The following ZNF385D variants were observed in gnomAD, a reference collection of about 807,000 sequenced individuals.
ZNF385D encodes the protein zinc finger protein 385D.
A neutral mutation model predicts 35.8 loss-of-function variants in ZNF385D; 15 were observed. The ratio of observed to expected loss-of-function variants is 0.42; its 90% CI spans 0.28 to 0.64. The LOEUF is 0.64. Among genes scored for constraint, ZNF385D ranks in the 30% least tolerant of loss-of-function variants. The probability of loss-of-function intolerance (pLI) is 0.23; values close to 1 mark genes in which losing one functional copy is unlikely to be tolerated. For missense variants in ZNF385D, 474 were observed against 494.6 expected (o/e 0.96, Z 0.39); for synonymous variants, 212 against 186.8 (o/e 1.13, Z -1.10).
intron 3 of ZNF385D, among the ~76,000 whole-genome samples, chr3:21,881,330 G>A (rs868754344): frequency 6.6e-5 from 10 of 152,076 alleles, no homozygotes; most frequent in African/African-American, 1.7e-4. Context: ...TGAAGCCAGT[G>A]CTCATTGACC....
rs555293265 is a variant in ZNF385D, at chr3:22,147,539, C to T, written c.325+21278G>A. ...GGTGTCAATACAGAGGAAAACCCAC[C>T]TGAGAAAAGGGGATTTGGAAATGAA... On this transcript the variant is annotated intron_variant, in intron 3 of 5. Coordinates refer to the ZNF385D transcript ENST00000494108. Among the ~76,000 whole-genome samples the T allele has an allele frequency of 2.0e-5, 3 of 152,152 alleles. No individual in the cohort carries two copies. The East Asian group carries it at 5.8e-4, about 29-fold the overall frequency.
chr3:21,472,767 T>C (rs769683188), intron 4 of ZNF385D, among the ~76,000 whole-genome samples: 29 of 152,124 alleles, frequency 1.9e-4, no homozygotes, highest in African/African-American at 6.0e-4. Context: ...CCTGTCTAAA[T>C]AAGGCAAATG....
chr3:21,982,694 T>G (rs1172809274), intron 3 of ZNF385D, among the ~76,000 whole-genome samples: 2 of 152,160 alleles, frequency 1.3e-5, no homozygotes, highest in African/African-American at 2.4e-5. Flanking sequence ...AGCTTTTGCC[T>G]ATTCAGTATA....
chr3:22,210,610 T>C (rs1169666817), intron 2 of ZNF385D, among the ~76,000 whole-genome samples: 1 of 151,898 alleles, frequency 6.6e-6, no homozygotes, highest in African/African-American at 2.4e-5. Context: ...TAGATAAATA[T>C]AAAATCAATA....
chr3:22,319,394 C>A (rs972243245), intron 2 of ZNF385D, among the ~76,000 whole-genome samples: 4 of 151,386 alleles, frequency 2.6e-5, no homozygotes, highest in African/African-American at 9.7e-5. Context: ...AAATTATATG[C>A]AATATTGAAA....
At chr3:21,694,655 T>C (rs1368616291) in intron 1 of ZNF385D, among the ~76,000 whole-genome samples, 4 of 152,182 alleles carry the variant, frequency 2.6e-5, no homozygotes, top group African/African-American at 9.7e-5. Flanking sequence ...GCAACTTGAG[T>C]GCTCATTTGT....
intron 2 of ZNF385D, among the ~76,000 whole-genome samples, chr3:22,178,804 G>A (rs1233805076): frequency 6.6e-6 from 1 of 152,154 alleles, no homozygotes; most frequent in East Asian, 1.9e-4. Flanking sequence ...TCTACATATG[G>A]CTAGCCAGTT....
intron 3 of ZNF385D, among the ~76,000 whole-genome samples, chr3:22,141,289 T>C (rs1704490595): frequency 6.6e-6 from 1 of 152,070 alleles, no homozygotes; most frequent in Non-Finnish European, 1.5e-5. Flanking sequence ...AAAAATTAGC[T>C]GGCAAGACTA....
intron 3 of ZNF385D, among the ~76,000 whole-genome samples, chr3:21,997,862 C>CGTGTGT (rs762328963): frequency 5.3e-5 from 6 of 112,506 alleles, no homozygotes; most frequent in African/African-American, 1.5e-4. Context: ...ATTTGGCGCG[C>CGTGTGT]GCGCGCGCGC....
At chr3:21,743,072 A>G (rs2069595980) in intron 1 of ZNF385D, among the ~76,000 whole-genome samples, 1 of 152,186 alleles carries the variant, frequency 6.6e-6, no homozygotes, top group Admixed American at 6.5e-5. Flanking sequence ...TTTTACAAAG[A>G]AACAAAACTT....
At chr3:21,778,672 A>C (rs577211573) in intron 3 of ZNF385D, among the ~76,000 whole-genome samples, 11 of 151,938 alleles carry the variant, frequency 7.2e-5, no homozygotes, top group Non-Finnish European at 1.6e-4. Flanking sequence ...CTCACAATAC[A>C]AAAAGAGGAC....
At chr3:21,714,663 A>C (rs2068243115) in intron 1 of ZNF385D, among the ~76,000 whole-genome samples, 1 of 152,116 alleles carries the variant, frequency 6.6e-6, no homozygotes. Flanking sequence ...TTATTTCTCC[A>C]ATCTTCAAAA....
intron 3 of ZNF385D, among the ~76,000 whole-genome samples, chr3:21,561,554 T>C (rs980933920): frequency 3.3e-5 from 5 of 152,164 alleles, no homozygotes; most frequent in African/African-American, 1.2e-4. Context: ...TCTGCGTTGA[T>C]CTCACTGGGA....
At chr3:22,321,210 CTT>C (rs1226718297) in intron 2 of ZNF385D, among the ~76,000 whole-genome samples, 1 of 43,246 alleles carries the variant, frequency 2.3e-5, no homozygotes, top group Non-Finnish European at 4.8e-5. Context: ...TCTTTTATCT[CTT>C]TTATTACACT....
chr3:22,272,804 A>G (rs897352568), intron 2 of ZNF385D, among the ~76,000 whole-genome samples: 30 of 152,152 alleles, frequency 2.0e-4, no homozygotes, highest in African/African-American at 7.2e-4. Context: ...CTTATCTTAC[A>G]TATCTGTATC....
intron 3 of ZNF385D, among the ~76,000 whole-genome samples, chr3:22,017,033 T>C (rs937472903): frequency 6.6e-6 from 1 of 152,192 alleles, no homozygotes; most frequent in East Asian, 1.9e-4. Flanking sequence ...TAATGTGCAG[T>C]AGTCACTCTT....
chr3:21,582,992 T>C (rs186822815), intron 2 of ZNF385D, among the ~76,000 whole-genome samples: 1 of 152,190 alleles, frequency 6.6e-6, no homozygotes, highest in Admixed American at 6.5e-5. Context: ...GGTCTCAAAC[T>C]CCTTACCTCG....
intron 3 of ZNF385D, among the ~76,000 whole-genome samples, chr3:21,809,530 T>C (rs1184596278): frequency 1.3e-5 from 2 of 151,584 alleles, no homozygotes; most frequent in Admixed American, 1.3e-4. Flanking sequence ...AACAAGTAGA[T>C]TGTGATAATT....
At chr3:21,877,830 C>A (rs976790386) in intron 3 of ZNF385D, 4 of 151,952 alleles carry the variant, frequency 2.6e-5, no homozygotes, top group African/African-American at 9.7e-5. Context: ...TCAAAGTAAT[C>A]AGAATCTATT....
Sources: gnomAD v4.1 joint callset for allele counts (sites outside exome capture counted in the v4.1 genomes callset) on GRCh38, gnomAD v4.1.1 for gene constraint, MANE v1.5 for transcripts, NCBI Gene and HGNC (gene_info 2026-07-23, HGNC 2026-07-21) for gene names.